The following SEMA3A variants were observed in gnomAD, a reference collection of about 807,000 sequenced individuals.
The protein encoded by SEMA3A is semaphorin-3A.
A neutral mutation model predicts 97.9 loss-of-function variants in SEMA3A; 29 were observed. The observed-to-expected ratio is 0.30, with a 90% confidence interval of 0.22 to 0.40. The LOEUF (loss-of-function observed/expected upper bound fraction) is 0.40, where lower values mean the gene tolerates loss of function less well. Among genes scored for constraint, SEMA3A ranks in the 10% least tolerant of loss-of-function variants. The pLI, the probability that SEMA3A is intolerant of heterozygous loss-of-function variation, is 1.00. For missense variants in SEMA3A, 763 were observed against 951.3 expected (o/e 0.80, Z 2.60); for synonymous variants, 321 against 323.7 (o/e 0.99, Z 0.09).
chr7:84,254,818 T>A (rs1430482405), intron 3 of SEMA3A, among the ~76,000 whole-genome samples: 1 of 152,178 alleles, frequency 6.6e-6, no homozygotes, highest in Non-Finnish European at 1.5e-5. Flanking sequence ...GTTTTGTCTA[T>A]TTTTGTCTGC....
chr7:84,441,831 C>T (rs1415685967), intron 1 of SEMA3A, among the ~76,000 whole-genome samples: 1 of 152,136 alleles, frequency 6.6e-6, no homozygotes, highest in Non-Finnish European at 1.5e-5. Context: ...GTTAGATCAT[C>T]AGCAAATTTC....
intron 1 of SEMA3A, among the ~76,000 whole-genome samples, chr7:84,422,466 C>G (rs1400943212): frequency 6.6e-6 from 1 of 151,894 alleles, no homozygotes; most frequent in Admixed American, 6.6e-5. Flanking sequence ...TTCAAAAAAC[C>G]AGCTCCTAGA....
intron 12 of SEMA3A, 31 bp downstream of exon 12, chr7:84,001,924 T>A: frequency 6.7e-7 from 1 of 1,489,834 alleles, no homozygotes; most frequent in Non-Finnish European, 9.3e-7. Context: ...ACAACTGAAC[T>A]TGTTGACACT....
At chr7:84,368,219 A>C (rs1203853901) in intron 2 of SEMA3A, among the ~76,000 whole-genome samples, 1 of 151,320 alleles carries the variant, frequency 6.6e-6, no homozygotes, top group African/African-American at 2.4e-5. Flanking sequence ...ATTCACCATA[A>C]TGTTAGTAAA....
intron 3 of SEMA3A, among the ~76,000 whole-genome samples, chr7:84,205,032 C>G (rs950840968): frequency 1.3e-5 from 2 of 152,172 alleles, no homozygotes; most frequent in Non-Finnish European, 2.9e-5. Context: ...AAATCCTCAA[C>G]ATGTGAGTGA....
chr7:84,121,454 A>G (rs1332091057), intron 3 of SEMA3A, among the ~76,000 whole-genome samples: 2 of 151,030 alleles, frequency 1.3e-5, no homozygotes, highest in African/African-American at 4.9e-5. Context: ...GAGTGAGAAC[A>G]TGCAGTGTTT....
At chr7:84,105,771 G>T (rs954259182) in intron 4 of SEMA3A, among the ~76,000 whole-genome samples, 1 of 152,088 alleles carries the variant, frequency 6.6e-6, no homozygotes, top group African/African-American at 2.4e-5. Context: ...GGAATATTTT[G>T]CCTCTCAAGG....
In SEMA3A at chr7:84,117,386, GA is replaced by G. The variant is rs777960252; in HGVS notation, c.334-6798del. ...CGAACAATTTCATAATGGTAAAACA[GA>G]AATTGGGGTAGTTACTTGTATCTCA... is the stretch of plus-strand genomic sequence containing the variant. On this transcript the variant is annotated intron_variant, in intron 3 of 16. Coordinates refer to ENST00000265362, the MANE Select transcript of SEMA3A (RefSeq NM_006080.3). Among the ~76,000 whole-genome samples, 74 of 152,242 alleles carry G rather than the reference GA, an allele frequency of 4.9e-4. 1 individual carries two copies. The Middle Eastern group carries it at 0.017, about 35-fold the overall frequency.
chr7:84,455,714 C>T (rs963664716), intron 1 of SEMA3A, among the ~76,000 whole-genome samples: 6 of 151,838 alleles, frequency 4.0e-5, no homozygotes, highest in Admixed American at 6.5e-5. Flanking sequence ...AAGTTTAGAA[C>T]GAAGTGATAA....
chr7:84,454,810 T>G (rs1805648990), intron 1 of SEMA3A, among the ~76,000 whole-genome samples: 1 of 152,002 alleles, frequency 6.6e-6, no homozygotes, highest in Admixed American at 6.6e-5. Context: ...TAAATCTTTT[T>G]ACAACTGTCA....
chr7:84,019,381 T>C (rs1257133320), intron 6 of SEMA3A, among the ~76,000 whole-genome samples: 3 of 130,282 alleles, frequency 2.3e-5, no homozygotes, highest in Non-Finnish European at 3.3e-5. Context: ...GTGTACAGAG[T>C]AAAAAGAAAA....
intron 2 of SEMA3A, among the ~76,000 whole-genome samples, chr7:84,328,353 C>G (rs1801818542): frequency 6.6e-6 from 1 of 151,812 alleles, no homozygotes; most frequent in African/African-American, 2.4e-5. Flanking sequence ...AACACCATGT[C>G]CTACAGAAAG....
At chr7:84,257,339 C>G (rs1034691505) in intron 3 of SEMA3A, among the ~76,000 whole-genome samples, 1 of 151,806 alleles carries the variant, frequency 6.6e-6, no homozygotes, top group African/African-American at 2.4e-5. Context: ...CAGTTCAGAT[C>G]TACTGTAAAG....
At chr7:83,971,479 T>A (rs965291279) in intron 15 of SEMA3A, among the ~76,000 whole-genome samples, 7 of 152,036 alleles carry the variant, frequency 4.6e-5, no homozygotes, top group African/African-American at 1.7e-4. Context: ...TCATATATTG[T>A]AGTGCAAATA....
At chr7:83,979,723 G>A (rs797820) in intron 14 of SEMA3A, among the ~76,000 whole-genome samples, 121,332 of 152,110 alleles carry the variant, frequency 0.8, 49,213 homozygotes, top group African/African-American at 0.94. Context: ...ATAATACTGC[G>A]TATACATTTA....
intron 3 of SEMA3A, among the ~76,000 whole-genome samples, chr7:84,256,373 A>G (rs1440236253): frequency 6.6e-6 from 1 of 152,048 alleles, no homozygotes; most frequent in Non-Finnish European, 1.5e-5. Context: ...AGCTCTATTG[A>G]AGTGCATTAC....
chr7:84,149,006 A>T (rs1290854448), intron 1 of SEMA3A, among the ~76,000 whole-genome samples: 12 of 152,168 alleles, frequency 7.9e-5, no homozygotes, highest in Non-Finnish European at 8.8e-5. Context: ...GTCAAAAGTT[A>T]TATGTGGATT....
chr7:84,278,092 C>T (rs1450264305), intron 3 of SEMA3A, among the ~76,000 whole-genome samples: 1 of 152,092 alleles, frequency 6.6e-6, no homozygotes, highest in African/African-American at 2.4e-5. Flanking sequence ...AAGTGACATC[C>T]TAAGTACTTT....
chr7:84,084,213 ATTAT>A (rs1192091642), intron 4 of SEMA3A, among the ~76,000 whole-genome samples: 1 of 152,078 alleles, frequency 6.6e-6, no homozygotes, highest in African/African-American at 2.4e-5. Context: ...GTTGCTAAGA[ATTAT>A]TTATTTACTT....
Sources: allele counts gnomAD v4.1 joint callset (sites outside exome capture counted in the v4.1 genomes callset), GRCh38; gene constraint gnomAD v4.1.1; transcripts MANE v1.5; gene names NCBI Gene and HGNC (gene_info 2026-07-23, HGNC 2026-07-21).